Variants in MCF2L2 observed in about 807,000 individuals in gnomAD.
MCF2L2 encodes the protein MCF.2 cell line derived transforming sequence-like 2.
A neutral mutation model predicts 150.2 loss-of-function variants in MCF2L2; 102 were observed. That is an observed-to-expected ratio of 0.68 (90% CI 0.58 to 0.80). The LOEUF is 0.80. MCF2L2 is among the 30% of genes least tolerant of loss of function. MCF2L2 has a pLI of 0.00. For synonymous variants in MCF2L2, 465 were observed against 491.3 expected, an observed-to-expected ratio of 0.95 and a Z score of 0.71; for missense variants, 1,256 against 1,372.8, an observed-to-expected ratio of 0.91 and a Z score of 1.34.
chr3:183,217,122 C>T (rs1425718807), intron 21 of MCF2L2, among the ~76,000 whole-genome samples: 3 of 150,846 alleles, frequency 2.0e-5, no homozygotes, highest in African/African-American at 4.9e-5. Flanking sequence ...GGTGAAACCC[C>T]GTCTCTACTA....
chr3:183,319,491 C>A (rs1294195935), intron 6 of MCF2L2, among the ~76,000 whole-genome samples: 1 of 151,974 alleles, frequency 6.6e-6, no homozygotes, highest in Admixed American at 6.5e-5. Context: ...ATGATGAATC[C>A]TTTCCAGAAG....
chr3:183,205,980 A>G (rs752669881), intron 24 of MCF2L2, 26 bp from the exon 25 acceptor site: 15 of 1,598,194 alleles, frequency 9.4e-6, no homozygotes, highest in South Asian at 6.6e-5. Flanking sequence ...AGAAAACACT[A>G]TAAGACTACC....
intron 10 of MCF2L2, among the ~76,000 whole-genome samples, chr3:183,301,923 T>C (rs1728869778): frequency 6.6e-6 from 1 of 152,204 alleles, no homozygotes; most frequent in African/African-American, 2.4e-5. Context: ...CATTCCCTGA[T>C]GTGAATGGTT....
chr3:183,309,968 A>AT, intron 9 of MCF2L2, 133 bp from the exon 10 acceptor site: 2 of 1,057,980 alleles, frequency 1.9e-6, no homozygotes, highest in Non-Finnish European at 1.3e-6. Context: ...ATATGTTAAA[A>AT]ATTTTTTTTT....
chr3:183,425,707 GAGGCCA>G (rs1338712985), intron 1 of MCF2L2, among the ~76,000 whole-genome samples: 2 of 152,060 alleles, frequency 1.3e-5, no homozygotes, highest in African/African-American at 2.4e-5. Flanking sequence ...CTCACTTTGG[GAGGCCA>G]AGGCCAAGGC....
chr3:183,251,953 T>G (rs1724560031), intron 15 of MCF2L2, among the ~76,000 whole-genome samples: 1 of 150,358 alleles, frequency 6.7e-6, no homozygotes. Flanking sequence ...GTATTTCCAA[T>G]CTCCAGACAT....
intron 15 of MCF2L2, among the ~76,000 whole-genome samples, chr3:183,247,013 G>A (rs1168416226): frequency 6.6e-6 from 1 of 152,164 alleles, no homozygotes; most frequent in Non-Finnish European, 1.5e-5. Context: ...CTTGGCCCCA[G>A]TGTCTTGCAA....
In MCF2L2 at chr3:183,338,814, TA is replaced by T. The variant is rs778541776; in HGVS notation, c.471del (p.Phe157LeufsTer10). 1 of 1,600,972 alleles carries T rather than the reference TA, an allele frequency of 6.2e-7. No homozygotes were observed. The highest frequency in any genetic ancestry group is 1.1e-5 in the South Asian group (1 of 89,638). ...GTCTTGCTTACCGGCACTTTCGTTT[TA>T]AACTCATTTCGATAGTATTTAATGC... The part of the protein sequence containing the change: ...DIGIKYYRNE[F>X]KTKVPIIMVN... On this transcript the variant is annotated frameshift_variant, in exon 5 of 30. Coordinates refer to ENST00000328913, the MANE Select transcript of MCF2L2 (RefSeq NM_015078.4). LOFTEE classifies it high-confidence loss of function.
chr3:183,316,546 T>C (rs1729611722), intron 7 of MCF2L2, among the ~76,000 whole-genome samples: 2 of 151,920 alleles, frequency 1.3e-5, no homozygotes, highest in African/African-American at 2.4e-5. Context: ...GGTTTCCCCA[T>C]GTTGTCCAGG....
At chr3:183,313,718 C>G (rs534051049) in intron 7 of MCF2L2, among the ~76,000 whole-genome samples, 1 of 152,256 alleles carries the variant, frequency 6.6e-6, no homozygotes, top group South Asian at 2.1e-4. Context: ...AGGAGAAACT[C>G]AGGGCACTAT....
chr3:183,270,967 A>G lies in MCF2L2; in HGVS notation c.1862+5905T>C. ...TTGAATGTTGTATGTTTTCACTGTC[A>G]CTGAGTCAAACCTGGATGAAAAAAA... is the stretch of plus-strand genomic sequence containing the variant. On this transcript the variant is annotated intron_variant, in intron 15 of 29. Transcript: ENST00000328913. The surrounding 1 kb of genome is among the most constrained non-coding windows in gnomAD (Gnocchi z 4.5). 6.6e-7 allele frequency: 1 copy of G among 1,519,052 alleles called. No individual in the cohort carries two copies. Among genetic ancestry groups the G allele is most frequent in the Non-Finnish European group, 8.8e-7 (1 of 1,133,800 alleles). 94.1% of individuals were successfully genotyped at this position (1,519,052 alleles called of 1,614,324 possible).
At chr3:183,332,007 TC>T (rs914818238) in intron 5 of MCF2L2, among the ~76,000 whole-genome samples, 1 of 151,820 alleles carries the variant, frequency 6.6e-6, no homozygotes, top group Non-Finnish European at 1.5e-5. Flanking sequence ...TAAACTCCTT[TC>T]CCCCCAACAC....
At chr3:183,289,427 T>C (rs890676689) in intron 13 of MCF2L2, among the ~76,000 whole-genome samples, 3 of 152,174 alleles carry the variant, frequency 2.0e-5, no homozygotes, top group African/African-American at 7.2e-5. Context: ...CTCCAGGGAC[T>C]TGACATTTCA....
chr3:183,281,854 C>T (rs560801956), intron 14 of MCF2L2, among the ~76,000 whole-genome samples: 1 of 150,104 alleles, frequency 6.7e-6, no homozygotes, highest in South Asian at 2.1e-4. Flanking sequence ...AGACTGGATC[C>T]TAAATGCAAT....
At chr3:183,255,283 G>C (rs536599142) in intron 15 of MCF2L2, among the ~76,000 whole-genome samples, 2 of 152,212 alleles carry the variant, frequency 1.3e-5, no homozygotes, top group African/African-American at 4.8e-5. Context: ...AGGGTGATTA[G>C]TGATCAGCAG....
chr3:183,327,208 C>T (rs1730082003), intron 5 of MCF2L2, among the ~76,000 whole-genome samples: 1 of 152,020 alleles, frequency 6.6e-6, no homozygotes, highest in Non-Finnish European at 1.5e-5. Context: ...GCCTGTAATC[C>T]CAGCTACTTG....
intron 6 of MCF2L2, among the ~76,000 whole-genome samples, chr3:183,321,699 T>C (rs1005738746): frequency 6.6e-6 from 1 of 152,196 alleles, no homozygotes. Context: ...AAAAAATATA[T>C]ACATGTAAAA....
At chr3:183,409,144 T>C (rs1331188553) in intron 1 of MCF2L2, among the ~76,000 whole-genome samples, 2 of 152,228 alleles carry the variant, frequency 1.3e-5, no homozygotes, top group Non-Finnish European at 2.9e-5. Context: ...TAGCTAACAG[T>C]TTTTCTTTGG....
chr3:183,212,530 C>T (rs1722769181), intron 22 of MCF2L2, among the ~76,000 whole-genome samples: 1 of 152,094 alleles, frequency 6.6e-6, no homozygotes, highest in African/African-American at 2.4e-5. Context: ...GGTAAGAGCC[C>T]CGATACAAGG....
Sources: allele counts gnomAD v4.1 joint callset (sites outside exome capture counted in the v4.1 genomes callset), GRCh38; gene constraint gnomAD v4.1.1; non-coding constraint Gnocchi (gnomAD v3.1); transcripts MANE v1.5; gene names NCBI Gene and HGNC (gene_info 2026-07-23, HGNC 2026-07-21).